The following ETV6 variants were observed in gnomAD, a reference collection of about 807,000 sequenced individuals.
ETV6 encodes transcription factor ETV6.
ETV6 carries 16 observed loss-of-function variants against 51.1 expected under a neutral mutation model. The ratio of observed to expected loss-of-function variants is 0.31; its 90% CI spans 0.21 to 0.48. The LOEUF is 0.48. Among genes scored for constraint, ETV6 ranks in the 20% least tolerant of loss-of-function variants. The pLI, the probability that ETV6 is intolerant of heterozygous loss-of-function variation, is 0.99. For missense variants in ETV6, 458 were observed against 594.8 expected (o/e 0.77, Z 2.39); for synonymous variants, 240 against 224.1 (o/e 1.07, Z -0.64).
chr12:11,689,992 A>T (rs574779261), intron 1 of ETV6, among the ~76,000 whole-genome samples: 2 of 152,008 alleles, frequency 1.3e-5, no homozygotes, highest in Non-Finnish European at 2.9e-5. Context: ...TGTCACAAGC[A>T]TGGATTTATG....
chr12:11,891,651 T>C lies in ETV6; in HGVS notation c.*605T>C, dbSNP rs987095738. ...ATAAAATGAAAAGGAGAGCTCTCTTTTTCTCTCTCTTGCTCTGTTCTTCCC... is the reference window on the plus strand; with the variant it reads ...ATAAAATGAAAAGGAGAGCTCTCTTCTTCTCTCTCTTGCTCTGTTCTTCCC... On this transcript the variant is annotated 3_prime_UTR_variant, in exon 8 of 8. Coordinates refer to ENST00000396373, the MANE Select transcript of ETV6 (RefSeq NM_001987.5). The C allele has an allele frequency of 5.7e-6, 3 of 526,760 alleles. No individual in the cohort carries two copies. Among genetic ancestry groups the C allele is most frequent in the Non-Finnish European group, 1.1e-5 (3 of 273,084 alleles). 32.6% of individuals were successfully genotyped at this position (526,760 alleles called of 1,614,324 possible).
chr12:11,692,225 A>G (rs1468022730), intron 1 of ETV6, among the ~76,000 whole-genome samples: 5 of 152,088 alleles, frequency 3.3e-5, no homozygotes, highest in Non-Finnish European at 5.9e-5. Flanking sequence ...AGAGGAAGAG[A>G]GACCTGAGCT....
At chr12:11,875,902 A>G (rs552859115) in intron 5 of ETV6, among the ~76,000 whole-genome samples, 5 of 152,310 alleles carry the variant, frequency 3.3e-5, no homozygotes, top group South Asian at 2.1e-4. Flanking sequence ...AGTAGTTACA[A>G]CAGAGATTGC....
chr12:11,844,461 T>C (rs1404526278), intron 3 of ETV6, among the ~76,000 whole-genome samples: 4 of 152,218 alleles, frequency 2.6e-5, no homozygotes, highest in African/African-American at 4.8e-5. Flanking sequence ...TTTGGAAATA[T>C]GCTTTGCTTA....
rs373991237 is a variant in ETV6, at chr12:11,738,823, G to A, written c.34-13627G>A. Among the ~76,000 whole-genome samples the A allele has an allele frequency of 9.2e-5, 14 of 152,246 alleles. No homozygotes were observed. In the South Asian group the frequency reaches 2.1e-3, roughly 23 times the overall value. ...TTGGAGAAGTTTAAACCTGTTTTAC[G>A]GTTCAAACTCAAGATGGTAGAAACA... On this transcript the variant is annotated intron_variant, in intron 1 of 7. Transcript: ENST00000396373.
Position 11,759,054 on chromosome 12 carries a change from T to C in ETV6, c.163+6475T>C, listed in dbSNP as rs200606290. Among the ~76,000 whole-genome samples, 8 of 152,266 alleles carry C rather than the reference T, an allele frequency of 5.3e-5. No individual in the cohort carries two copies. In the East Asian group the frequency reaches 1.5e-3, roughly 29 times the overall value. ...ATGCTTTGGAAGGGAAATTTCCTTT[T>C]TGGGTTTGCTGTCTGAAAGAATTTC... is the stretch of plus-strand genomic sequence containing the variant. On this transcript the variant is annotated intron_variant, in intron 2 of 7. Transcript: ENST00000396373.
intron 1 of ETV6, among the ~76,000 whole-genome samples, chr12:11,726,217 G>A (rs534425861): frequency 6.6e-6 from 1 of 152,318 alleles, no homozygotes; most frequent in East Asian, 1.9e-4. Context: ...CATTTGAAAT[G>A]GCAAGGGGTA....
At chr12:11,742,871 A>G (rs1865836883) in intron 1 of ETV6, among the ~76,000 whole-genome samples, 1 of 150,228 alleles carries the variant, frequency 6.7e-6, no homozygotes, top group South Asian at 2.1e-4. Flanking sequence ...CAGTAGCACA[A>G]TCACAGCTCA....
chr12:11,728,943 A>T (rs912925776), intron 1 of ETV6, among the ~76,000 whole-genome samples: 6 of 152,248 alleles, frequency 3.9e-5, no homozygotes, highest in African/African-American at 1.4e-4. Context: ...TTTACAATTT[A>T]ATATTCTTCT....
intron 2 of ETV6, among the ~76,000 whole-genome samples, chr12:11,816,624 G>A (rs1333405271): frequency 1.3e-5 from 2 of 152,180 alleles, no homozygotes; most frequent in African/African-American, 4.8e-5. Flanking sequence ...TTGGATAGAG[G>A]AGAGACCTTA....
chr12:11,832,951 T>C (rs1474765717), intron 2 of ETV6, among the ~76,000 whole-genome samples: 3 of 152,238 alleles, frequency 2.0e-5, no homozygotes, highest in Non-Finnish European at 4.4e-5. Context: ...AGGTGACAGA[T>C]GCTTAGCAAA....
At chr12:11,726,930 G>A (rs1865499594) in intron 1 of ETV6, among the ~76,000 whole-genome samples, 1 of 152,200 alleles carries the variant, frequency 6.6e-6, no homozygotes, top group Non-Finnish European at 1.5e-5. Context: ...CAAGATAGGT[G>A]TTTTTATCTC....
chr12:11,675,581 G>A (rs1275946591), intron 1 of ETV6, among the ~76,000 whole-genome samples: 2 of 152,138 alleles, frequency 1.3e-5, no homozygotes, highest in Admixed American at 6.5e-5. Flanking sequence ...GGAGGCCAAG[G>A]CAGGAGGATC....
chr12:11,724,600 C>G (rs1865453673), intron 1 of ETV6, among the ~76,000 whole-genome samples: 1 of 152,052 alleles, frequency 6.6e-6, no homozygotes, highest in Admixed American at 6.6e-5. Flanking sequence ...CTTCAGGAAG[C>G]CTTTATTTGT....
At chr12:11,791,533 T>A (rs532705181) in intron 2 of ETV6, among the ~76,000 whole-genome samples, 4 of 152,240 alleles carry the variant, frequency 2.6e-5, no homozygotes, top group Non-Finnish European at 5.9e-5. Context: ...TAAAGATTCC[T>A]GTAAGGTCGT....
At chr12:11,712,768 C>T (rs541418442) in intron 1 of ETV6, among the ~76,000 whole-genome samples, 9 of 152,276 alleles carry the variant, frequency 5.9e-5, no homozygotes, top group Non-Finnish European at 1.3e-4. Context: ...CTCATCTAAA[C>T]GGTATCTTCA....
intron 2 of ETV6, among the ~76,000 whole-genome samples, chr12:11,838,936 T>C (rs1946352078): frequency 6.6e-6 from 1 of 152,248 alleles, no homozygotes; most frequent in African/African-American, 2.4e-5. Flanking sequence ...TGGACTCCTC[T>C]TGGAGGCTGC....
intron 1 of ETV6, among the ~76,000 whole-genome samples, chr12:11,659,618 G>T (rs11054407): frequency 6.6e-6 from 1 of 152,196 alleles, no homozygotes; most frequent in South Asian, 2.1e-4. Flanking sequence ...TCCCCTATAC[G>T]TAAGATTGCC....
At chr12:11,764,249 C>T (rs374325173) in intron 2 of ETV6, among the ~76,000 whole-genome samples, 5 of 145,256 alleles carry the variant, frequency 3.4e-5, no homozygotes, top group African/African-American at 1.3e-4. Flanking sequence ...GAAATAAGCA[C>T]TATAATTTGC....
Sources: allele counts gnomAD v4.1 joint callset (sites outside exome capture counted in the v4.1 genomes callset), GRCh38; gene constraint gnomAD v4.1.1; transcripts MANE v1.5; gene names NCBI Gene and HGNC (gene_info 2026-07-23, HGNC 2026-07-21).